Variants in PI4KB observed in about 807,000 individuals in gnomAD.
PI4KB encodes phosphatidylinositol 4-kinase beta.
Under a neutral mutation model 81.4 loss-of-function variants are expected in PI4KB, and 23 were observed. The observed-to-expected ratio is 0.28, with a 90% confidence interval of 0.20 to 0.40. The LOEUF (loss-of-function observed/expected upper bound fraction) is 0.40. PI4KB is among the 10% of genes least tolerant of loss of function. The probability of loss-of-function intolerance (pLI) is 1.00; values close to 1 mark genes in which losing one functional copy is unlikely to be tolerated. For synonymous variants in PI4KB, 381 were observed against 406.8 expected (o/e 0.94, Z 0.76); for missense variants, 651 against 1,036.6 (o/e 0.63, Z 5.11).
intron 9 of PI4KB, 33 bp downstream of exon 9, chr1:151,298,775 G>T (rs1277472755): frequency 6.3e-7 from 1 of 1,599,518 alleles, no homozygotes; most frequent in East Asian, 2.2e-5. Flanking sequence ...GAACCCTGGA[G>T]AAATGTTAGG....
chr1:151,296,656 G>A (rs1199022594), intron 9 of PI4KB, among the ~76,000 whole-genome samples: 1 of 151,790 alleles, frequency 6.6e-6, no homozygotes, highest in African/African-American at 2.4e-5. Flanking sequence ...TTTTAGTAGA[G>A]ATGGGGTTTC....
At chr1:151,300,651 T>A (rs1169037528) in intron 8 of PI4KB, 2 of 152,018 alleles carry the variant, frequency 1.3e-5, no homozygotes, top group African/African-American at 4.8e-5. Context: ...TTTCTTCAAA[T>A]GCATATTTTT....
chr1:151,303,631 T>C lies in PI4KB; in HGVS notation c.1430A>G (p.Asn477Ser). The C allele has an allele frequency of 6.2e-7, 1 of 1,613,610 alleles. No homozygotes were observed. Among genetic ancestry groups the C allele is most frequent in the Non-Finnish European group, 8.5e-7 (1 of 1,179,574 alleles). Residue 477 changes from asparagine to serine, a missense_variant, in exon 6 of 12, where the codon AAC becomes AGC. Transcript: ENST00000368873. ...LQVELPEVHTNSCDNISQFSV... is the reference protein window; with the variant it reads ...LQVELPEVHTSSCDNISQFSV... ...GAACTGGGAGATGTTGTCACAGCTG[T>C]TGGTATGCACTTCGGGGAGCTGGAG... is the stretch of plus-strand genomic sequence containing the variant.
At chr1:151,311,452 T>C (rs1332814683) in intron 2 of PI4KB, among the ~76,000 whole-genome samples, 2 of 152,160 alleles carry the variant, frequency 1.3e-5, no homozygotes, top group Non-Finnish European at 2.9e-5. Context: ...CCTTGAAGAA[T>C]CTGGGGACTG....
At chr1:151,314,032 G>A (rs1234290473) in intron 2 of PI4KB, among the ~76,000 whole-genome samples, 1 of 152,202 alleles carries the variant, frequency 6.6e-6, no homozygotes, top group Non-Finnish European at 1.5e-5. Context: ...AAGATGCCTG[G>A]CACATAAGTG....
Position 151,299,012 on chromosome 1 carries a change from G to A in PI4KB, c.1811C>T (p.Ser604Leu), listed in dbSNP as rs950155929. The change falls in exon 9 of 12, where the codon TCG becomes TTG. Residue 604 changes from serine (S) to leucine (L), a missense_variant. Around this residue, in one of 5 missense-constraint regions of PI4KB, gnomAD observed 246 missense variants for 430.1 expected, o/e 0.57. Coordinates refer to ENST00000368873, the MANE Select transcript of PI4KB (RefSeq NM_001369623.2). ...WIKPYKILVI[S>L]ADSGMIEPVV... ...TGGTTCAATCATGCCACTATCAGCC[G>A]AAATCACAAGAATCTTGTATGGCTT... 4 of 1,614,010 alleles carry A rather than the reference G, an allele frequency of 2.5e-6. No individual in the cohort carries two copies. The highest frequency in any genetic ancestry group is 3.4e-6 in the Non-Finnish European group (4 of 1,179,886).
Position 151,315,804 on chromosome 1 carries a change from G to C in PI4KB, c.678C>G (p.Ser226=). 1 of 1,613,002 alleles carries C rather than the reference G, an allele frequency of 6.2e-7. No individual in the cohort carries two copies. Among genetic ancestry groups the C allele is most frequent in the Non-Finnish European group, 8.5e-7 (1 of 1,179,420 alleles). ...TGGTCCCACGGGAGTGTCGTTGAGTGGAAATGTGCATGTCTGAAGAATAGG... is the reference window on the plus strand; with the variant it reads ...TGGTCCCACGGGAGTGTCGTTGAGTCGAAATGTGCATGTCTGAAGAATAGG... The part of the protein sequence containing the change: ...LGAYSSDMHI[S]TQRHSRGTKL... The change falls in exon 2 of 12, where the codon TCC becomes TCG. Residue 226 remains serine (S), a synonymous_variant. Coordinates refer to ENST00000368873, the MANE Select transcript of PI4KB (RefSeq NM_001369623.2).
At chr1:151,308,617 T>C (rs1387733928) in intron 3 of PI4KB, among the ~76,000 whole-genome samples, 1 of 152,190 alleles carries the variant, frequency 6.6e-6, no homozygotes, top group Non-Finnish European at 1.5e-5. Context: ...TGCTGTGAGT[T>C]TGGCTCCTTG....
chr1:151,314,028 C>A (rs587735973), intron 2 of PI4KB, among the ~76,000 whole-genome samples: 1 of 152,366 alleles, frequency 6.6e-6, no homozygotes, highest in Admixed American at 6.5e-5. Context: ...TGGCAAGATG[C>A]CTGGCACATA....
Position 151,301,844 on chromosome 1 carries a change from C to T in PI4KB, c.1749G>A (p.Gln583=), listed in dbSNP as rs769381237. 18 of 1,613,806 alleles carry T rather than the reference C, an allele frequency of 1.1e-5. 1 individual carries two copies. The South Asian group carries it at 2.0e-4, about 18-fold the overall frequency. ...CTGGCCTCTCCTTCTCTTCTCTTAC[C>T]TGCAGTTGCTTCAACACCTGAAAGG... ...LLAFQVLKQL[Q]SIWEQERVPL... Residue 583 remains glutamine, a splice_region_variant and synonymous_variant, in exon 8 of 12, where the codon CAG becomes CAA. Coordinates refer to ENST00000368873, the MANE Select transcript of PI4KB (RefSeq NM_001369623.2).
At chr1:151,299,196 G>A in intron 8 of PI4KB, 123 bp from the exon 9 acceptor site, 1 of 881,188 alleles carries the variant, frequency 1.1e-6, no homozygotes, top group Non-Finnish European at 1.8e-6. Flanking sequence ...CATCAAATGA[G>A]TAAGACTCAC....
At chr1:151,326,047 T>C (rs1649561452) in intron 1 of PI4KB, 2 of 967,260 alleles carry the variant, frequency 2.1e-6, no homozygotes. Flanking sequence ...CAACCAAAAC[T>C]ATTCTAGTAA....
chr1:151,317,916 C>T (rs997047766), intron 1 of PI4KB, among the ~76,000 whole-genome samples: 6 of 152,110 alleles, frequency 3.9e-5, no homozygotes, highest in African/African-American at 1.4e-4. Context: ...TCAAGGCATC[C>T]TCCTGCCTCA....
intron 6 of PI4KB, among the ~76,000 whole-genome samples, chr1:151,302,867 G>GCCA (rs1695412088): frequency 1.3e-5 from 2 of 151,686 alleles, no homozygotes; most frequent in Admixed American, 6.6e-5. Context: ...ACAGGCGTGA[G>GCCA]CCACCGCACC....
chr1:151,293,862 T>C, intron 11 of PI4KB, 156 bp downstream of exon 11: 1 of 786,642 alleles, frequency 1.3e-6, no homozygotes, highest in East Asian at 2.7e-5. Context: ...AGGAATGTCC[T>C]AAAGGAGAAA....
chr1:151,299,643 T>G, intron 8 of PI4KB, among the ~76,000 whole-genome samples: 1 of 151,996 alleles, frequency 6.6e-6, no homozygotes, highest in South Asian at 2.1e-4. Flanking sequence ...TGAGCCAAGA[T>G]TGCACCACTG....
At chr1:151,309,965 T>C (rs1283940643) in intron 3 of PI4KB, among the ~76,000 whole-genome samples, 1 of 152,146 alleles carries the variant, frequency 6.6e-6, no homozygotes, top group Non-Finnish European at 1.5e-5. Context: ...AGCAGCACTG[T>C]ACTCCAGCTG....
At chr1:151,327,695 G>C (rs564015602), upstream of PI4KB, 8 of 288,802 alleles carry the variant, frequency 2.8e-5, no homozygotes, top group South Asian at 1.1e-3. Flanking sequence ...TGCCTGTTCA[G>C]AAATAGAAAA....
At chr1:151,321,957 A>G (rs1001629321) in intron 1 of PI4KB, among the ~76,000 whole-genome samples, 1 of 152,080 alleles carries the variant, frequency 6.6e-6, no homozygotes, top group Non-Finnish European at 1.5e-5. Flanking sequence ...AGGTGAAGGA[A>G]AAAGTCCTGT....
Sources: allele counts gnomAD v4.1 joint callset (sites outside exome capture counted in the v4.1 genomes callset), GRCh38; gene constraint gnomAD v4.1.1; regional missense constraint gnomAD v4.1.1; transcripts MANE v1.5; gene names NCBI Gene and HGNC (gene_info 2026-07-23, HGNC 2026-07-21).